The following TANC2 variants were observed in gnomAD, a reference collection of about 807,000 sequenced individuals.
TANC2 encodes tetratricopeptide repeat, ankyrin repeat and coiled-coil containing 2, also known as protein TANC2.
TANC2 carries 26 observed loss-of-function variants against 210.5 expected under a neutral mutation model. The ratio of observed to expected loss-of-function variants is 0.12; its 90% confidence interval spans 0.09 to 0.17. TANC2 has a LOEUF of 0.17. Ranked by LOEUF, TANC2 falls within the 10% of genes least tolerant of loss-of-function variation. The probability of loss-of-function intolerance (pLI) is 1.00; values close to 1 mark genes in which losing one functional copy is unlikely to be tolerated. For missense variants in TANC2, 2,129 were observed against 2,608.9 expected, an observed-to-expected ratio of 0.82 and a Z score of 4.01; for synonymous variants, 931 against 967.1, an observed-to-expected ratio of 0.96 and a Z score of 0.69.
At chr17:63,389,723 A>G (rs924624874) in intron 17 of TANC2, 179 bp downstream of exon 17, 3 of 653,776 alleles carry the variant, frequency 4.6e-6, no homozygotes, top group Non-Finnish European at 8.0e-6. Flanking sequence ...TCCATCCTGC[A>G]GGAGCACACA....
intron 3 of TANC2, among the ~76,000 whole-genome samples, chr17:63,096,517 G>A (rs2037392981): frequency 6.6e-6 from 1 of 152,158 alleles, no homozygotes. Context: ...GGTCTTTTGT[G>A]TCTGGCTTCT....
chr17:63,345,619 CAAAA>C (rs752643075), intron 12 of TANC2, among the ~76,000 whole-genome samples: 959 of 86,614 alleles, frequency 0.011, 10 homozygotes, highest in African/African-American at 0.035. Context: ...AATTCTGTCT[CAAAA>C]AAAAAAAAAA....
At chr17:63,210,692 T>C (rs1329251143) in intron 7 of TANC2, among the ~76,000 whole-genome samples, 1 of 152,200 alleles carries the variant, frequency 6.6e-6, no homozygotes, top group Non-Finnish European at 1.5e-5. Context: ...TTCTATCCTC[T>C]GAAATAGTTT....
intron 5 of TANC2, among the ~76,000 whole-genome samples, chr17:63,172,435 G>C (rs867222596): frequency 6.6e-6 from 1 of 151,884 alleles, no homozygotes; most frequent in South Asian, 2.1e-4. Context: ...ACCCACCTCA[G>C]CCTTCCAAGG....
chr17:63,207,738 C>T (rs750629307), intron 7 of TANC2, among the ~76,000 whole-genome samples: 18 of 152,176 alleles, frequency 1.2e-4, no homozygotes, highest in African/African-American at 3.1e-4. Flanking sequence ...ATGTATGATT[C>T]GGAATGTTAG....
intron 8 of TANC2, among the ~76,000 whole-genome samples, chr17:63,245,702 C>T (rs901698205): frequency 6.6e-6 from 1 of 151,888 alleles, no homozygotes; most frequent in East Asian, 1.9e-4. Context: ...CTTAGCTGGG[C>T]GTGGTGGCAG....
At chr17:63,067,796 A>T (rs2036255100) in intron 2 of TANC2, among the ~76,000 whole-genome samples, 1 of 152,174 alleles carries the variant, frequency 6.6e-6, no homozygotes, top group South Asian at 2.1e-4. Context: ...ATGGCGGGGA[A>T]GAGAACCACA....
chr17:63,405,210 A>C (rs373966656), exon 20 of TANC2: 1 of 1,609,000 alleles, frequency 6.2e-7, no homozygotes, highest in Admixed American at 1.7e-5. Context: ...CAAACCGCCG[A>C]GGAGCAGTGC....
exon 28 of TANC2, chr17:63,423,408 A>G (rs188947991): frequency 9.8e-5 from 15 of 152,348 alleles, no homozygotes; most frequent in Admixed American, 9.2e-4. Context: ...TAGCAAGAAC[A>G]TTGGAACCAA....
At chr17:63,327,920 C>T (rs1183909616) in intron 11 of TANC2, among the ~76,000 whole-genome samples, 3 of 152,080 alleles carry the variant, frequency 2.0e-5, no homozygotes, top group Admixed American at 6.5e-5. Flanking sequence ...GCTATCCCTC[C>T]CCACTCCCCC....
At chr17:63,317,915 G>A (rs2045364382) in intron 10 of TANC2, among the ~76,000 whole-genome samples, 1 of 152,212 alleles carries the variant, frequency 6.6e-6, no homozygotes, top group Non-Finnish European at 1.5e-5. Flanking sequence ...GTAGGGGAAG[G>A]AAGTGAACAG....
In TANC2 at chr17:63,016,909, A is replaced by G. The variant is rs77953581; in HGVS notation, c.67+7283A>G. Among the ~76,000 whole-genome samples the G allele has an allele frequency of 2.2e-3, 333 of 152,172 alleles. 3 individuals carry two copies. Among genetic ancestry groups the G allele is most frequent in the African/African-American group, 7.3e-3 (303 of 41,520 alleles). On this transcript the variant is annotated intron_variant, in intron 2 of 27. Transcript: ENST00000689528. ...GAATTGGATTGCTTGTGTTTTTGTC[A>G]TTCACTTGGAGGAGTTATTTATATG...
intron 1 of TANC2, among the ~76,000 whole-genome samples, chr17:62,978,116 C>T (rs1358371892): frequency 6.6e-6 from 1 of 152,102 alleles, no homozygotes; most frequent in Non-Finnish European, 1.5e-5. Context: ...AAGATTGTTT[C>T]CTTTTTTTGC....
At chr17:63,198,397 G>A (rs927214608) in intron 6 of TANC2, among the ~76,000 whole-genome samples, 2 of 152,110 alleles carry the variant, frequency 1.3e-5, no homozygotes, top group Non-Finnish European at 2.9e-5. Context: ...ATTTTGCCAT[G>A]TTGGCCAGGC....
intron 1 of TANC2, among the ~76,000 whole-genome samples, chr17:62,976,190 A>C (rs189449757): frequency 3.7e-4 from 57 of 152,292 alleles, no homozygotes; most frequent in Admixed American, 2.4e-3. Context: ...TACTAACTTG[A>C]CAAAAATTAA....
At chr17:63,237,965 T>G in exon 8 of TANC2, 1 of 1,587,670 alleles carries the variant, frequency 6.3e-7, no homozygotes, top group East Asian at 2.3e-5. Flanking sequence ...AAAACATGAC[T>G]GCTTCCACCT....
At chr17:63,165,666 A>G (rs9900668) in intron 5 of TANC2, among the ~76,000 whole-genome samples, 144,468 of 152,292 alleles carry the variant, frequency 0.95, 68,599 homozygotes, top group East Asian at 1. Flanking sequence ...AACCAACAGA[A>G]AATAAATTTG....
chr17:63,024,527 G>T (rs1023822102), intron 2 of TANC2, among the ~76,000 whole-genome samples: 2 of 152,150 alleles, frequency 1.3e-5, no homozygotes, highest in Admixed American at 6.5e-5. Flanking sequence ...TTTACGACCT[G>T]TATCTTGTGC....
intron 6 of TANC2, among the ~76,000 whole-genome samples, chr17:63,198,360 A>G (rs189954492): frequency 4.3e-4 from 66 of 152,038 alleles, no homozygotes; most frequent in African/African-American, 1.4e-3. Context: ...ACACCCAGCT[A>G]ATTTTTGTAT....
Sources: gnomAD v4.1 joint callset for allele counts (sites outside exome capture counted in the v4.1 genomes callset) on GRCh38, gnomAD v4.1.1 for gene constraint, MANE v1.5 for transcripts, NCBI Gene and HGNC (gene_info 2026-07-23, HGNC 2026-07-21) for gene names.